SLC5A1: variants seen among roughly 807,000 people sequenced by gnomAD.
SLC5A1 encodes solute carrier family 5 member 1, also known as sodium/glucose cotransporter 1.
A neutral mutation model predicts 73.5 loss-of-function variants in SLC5A1; 42 were observed. The observed-to-expected ratio is 0.57, with a 90% CI of 0.45 to 0.74. The LOEUF is 0.74. SLC5A1 is among the 30% of genes least tolerant of loss of function. SLC5A1 has a pLI of 0.00. For missense variants in SLC5A1, 634 were observed against 855.4 expected (o/e 0.74, Z 3.23); for synonymous variants, 300 against 317.4 (o/e 0.95, Z 0.58).
At chr22:32,094,766 TTTTA>T (rs772517031) in intron 11 of SLC5A1, among the ~76,000 whole-genome samples, 10 of 152,154 alleles carry the variant, frequency 6.6e-5, no homozygotes, top group Non-Finnish European at 1.3e-4. Flanking sequence ...GGTCTATCAA[TTTTA>T]TTTATCTTTT....
chr22:32,090,025 A>T (rs1165990293), intron 10 of SLC5A1, among the ~76,000 whole-genome samples: 1 of 151,868 alleles, frequency 6.6e-6, no homozygotes, highest in Non-Finnish European at 1.5e-5. Flanking sequence ...ATCCCTGTTT[A>T]ACACATCAAG....
intron 12 of SLC5A1, among the ~76,000 whole-genome samples, chr22:32,100,679 T>A (rs979488109): frequency 6.6e-6 from 1 of 152,174 alleles, no homozygotes; most frequent in African/African-American, 2.4e-5. Context: ...GCCTCCAAAG[T>A]AGCGAGGACT....
chr22:32,094,564 C>G (rs1413303486), intron 11 of SLC5A1, among the ~76,000 whole-genome samples: 2 of 152,072 alleles, frequency 1.3e-5, no homozygotes, highest in African/African-American at 2.4e-5. Flanking sequence ...CTGATTTAAG[C>G]TAGGAGGGTT....
chr22:32,059,642 T>C (rs1306669591), intron 2 of SLC5A1, among the ~76,000 whole-genome samples: 2 of 151,964 alleles, frequency 1.3e-5, no homozygotes, highest in Non-Finnish European at 2.9e-5. Context: ...GTGCCTGTAA[T>C]TCCTCTTCTG....
chr22:32,112,957 AAT>A lies in SLC5A1; in HGVS notation c.*2747_*2748del, dbSNP rs2094060084. 6.6e-6 allele frequency: 1 copy of A among 152,214 alleles called. No homozygotes were observed. 9.4% of individuals were successfully genotyped at this position (152,214 alleles called of 1,614,324 possible). A position where few individuals can be genotyped will look rare whatever the true frequency, so the allele number is the denominator to read the frequency against. On this transcript the variant is annotated 3_prime_UTR_variant, in exon 15 of 15. Transcript: ENST00000266088. Reference sequence around the variant, plus strand: ...ATTTCACAATATGTACATATATAAAAATATGTTGTATGCCATGAGTATATATA... The same window carrying A: ...ATTTCACAATATGTACATATATAAAAATGTTGTATGCCATGAGTATATATA...
intron 2 of SLC5A1, among the ~76,000 whole-genome samples, chr22:32,065,811 C>T (rs1458108637): frequency 6.6e-6 from 1 of 152,192 alleles, no homozygotes; most frequent in Non-Finnish European, 1.5e-5. Context: ...CTGCCTTATA[C>T]TGGGAATAGG....
chr22:32,083,144 G>C lies in SLC5A1; in HGVS notation c.654G>C (p.Leu218=), dbSNP rs199689867. 2.0e-5 allele frequency: 33 copies of C among 1,614,122 alleles called. No individual in the cohort carries two copies. Among genetic ancestry groups the C allele is most frequent in the Non-Finnish European group, 2.8e-5 (33 of 1,179,994 alleles). The stretch of plus-strand genomic sequence containing the variant: ...TCATGCTGGTGGGGTCTTTAATCCT[G>C]ACTGGGTTTGGTAAGTGGGGCCAGG... ...TVIMLVGSLI[L]TGFAFHEVGG... The change falls in exon 7 of 15, where the codon CTG becomes CTC. Residue 218 remains leucine, a synonymous_variant. Coordinates refer to ENST00000266088, the MANE Select transcript of SLC5A1 (RefSeq NM_000343.4).
At chr22:32,045,633 C>A (rs943899402) in intron 1 of SLC5A1, among the ~76,000 whole-genome samples, 3 of 152,218 alleles carry the variant, frequency 2.0e-5, no homozygotes, top group Admixed American at 2.0e-4. Context: ...TCTCTTCCAA[C>A]ATTATTTGGT....
rs760511377 is a variant in SLC5A1 at position 32,086,245 on chromosome 22, A to G, written c.1047A>G (p.Ser349=). 3.1e-6 allele frequency: 5 copies of G among 1,613,850 alleles called. No individual in the cohort carries two copies. In the East Asian group the frequency reaches 1.1e-4, roughly 36 times the overall value. The change falls in exon 10 of 15, where the codon TCA becomes TCG. Residue 349 remains serine, a synonymous_variant. Transcript: ENST00000266088. ...AAAAAATTGCCTGTGTCGTCCCTTC[A>G]GAATGTGAGAAATATTGCGGTACCA... is the stretch of plus-strand genomic sequence containing the variant. ...YTEKIACVVP[S]ECEKYCGTKV...
intron 5 of SLC5A1, among the ~76,000 whole-genome samples, chr22:32,073,500 TG>T (rs1296000908): frequency 2.0e-5 from 3 of 152,200 alleles, no homozygotes; most frequent in African/African-American, 7.2e-5. Flanking sequence ...ACTAATGTCA[TG>T]ATTCAGCCTC....
At chr22:32,108,462 C>T (rs547232780) in intron 14 of SLC5A1, among the ~76,000 whole-genome samples, 46 of 152,022 alleles carry the variant, frequency 3.0e-4, no homozygotes, top group Non-Finnish European at 1.0e-4. Flanking sequence ...CATCAGTGAT[C>T]CTAGCTTATT....
intron 5 of SLC5A1, among the ~76,000 whole-genome samples, 170 bp from the exon 6 acceptor site, chr22:32,081,696 A>G (rs1178245652): frequency 6.6e-6 from 1 of 152,238 alleles, no homozygotes; most frequent in African/African-American, 2.4e-5. Context: ...AACTGCCTTA[A>G]TTCTGTTTAG....
intron 5 of SLC5A1, among the ~76,000 whole-genome samples, chr22:32,080,509 C>T (rs1350122247): frequency 1.3e-5 from 2 of 151,982 alleles, no homozygotes; most frequent in African/African-American, 2.4e-5. Context: ...GACTGGGAAA[C>T]GGAACTAGAG....
intron 14 of SLC5A1, among the ~76,000 whole-genome samples, chr22:32,108,821 T>C (rs899835366): frequency 6.6e-6 from 1 of 152,320 alleles, no homozygotes; most frequent in Admixed American, 6.5e-5. Flanking sequence ...CAATTCTGAC[T>C]CGTGTGAACT....
chr22:32,094,589 A>G (rs1259232827), intron 11 of SLC5A1, among the ~76,000 whole-genome samples: 2 of 152,130 alleles, frequency 1.3e-5, no homozygotes, highest in South Asian at 2.1e-4. Context: ...CTCTCCAGGA[A>G]TTTATCCATC....
intron 4 of SLC5A1, 58 bp downstream of exon 4, chr22:32,068,084 C>T (rs2093977019): frequency 1.5e-5 from 23 of 1,523,430 alleles, no homozygotes; most frequent in South Asian, 1.0e-4. Context: ...TCAGCTTGGT[C>T]TTCCTAGAGG....
chr22:32,062,196 T>C (rs2093964217), intron 2 of SLC5A1, among the ~76,000 whole-genome samples: 1 of 152,170 alleles, frequency 6.6e-6, no homozygotes, highest in Non-Finnish European at 1.5e-5. Flanking sequence ...ACTAGAGGTA[T>C]GCATTAAGAA....
intron 5 of SLC5A1, among the ~76,000 whole-genome samples, chr22:32,069,026 G>A (rs572490238): frequency 1.3e-5 from 2 of 152,184 alleles, no homozygotes; most frequent in African/African-American, 4.8e-5. Context: ...TCCCATTAAC[G>A]GATGAATGGA....
intron 14 of SLC5A1, among the ~76,000 whole-genome samples, chr22:32,109,292 G>A (rs986386122): frequency 5.9e-5 from 9 of 152,144 alleles, no homozygotes; most frequent in African/African-American, 2.2e-4. Flanking sequence ...GTGCCAGAGT[G>A]GGCATTTGAA....
Sources: allele counts gnomAD v4.1 joint callset (sites outside exome capture counted in the v4.1 genomes callset), GRCh38; gene constraint gnomAD v4.1.1; transcripts MANE v1.5; gene names NCBI Gene and HGNC (gene_info 2026-07-23, HGNC 2026-07-21).